The following COG5 variants were observed in gnomAD, a reference collection of about 807,000 sequenced individuals.
COG5 encodes component of oligomeric golgi complex 5.
Under a neutral mutation model 110.4 loss-of-function variants are expected in COG5, and 86 were observed. The ratio of observed to expected loss-of-function variants is 0.78; its 90% CI spans 0.65 to 0.93. COG5 has a LOEUF of 0.93. COG5 is among the 40% of genes least tolerant of loss of function. COG5 has a pLI of 0.00. For missense variants in COG5, 1,077 were observed against 987.0 expected (o/e 1.09, Z -1.22); for synonymous variants, 360 against 334.6 (o/e 1.08, Z -0.83).
At chr7:107,497,849 C>T (rs1002758345) in intron 6 of COG5, among the ~76,000 whole-genome samples, 10 of 151,920 alleles carry the variant, frequency 6.6e-5, no homozygotes. Flanking sequence ...CTCTGAGAAA[C>T]AAATAATATA....
chr7:107,274,940 A>T (rs1804577640), intron 14 of COG5, among the ~76,000 whole-genome samples: 1 of 150,774 alleles, frequency 6.6e-6, no homozygotes. Flanking sequence ...CTGAGAAGCA[A>T]GTCAGAAAGC....
intron 6 of COG5, among the ~76,000 whole-genome samples, chr7:107,507,496 A>T (rs1584909161): frequency 7.0e-6 from 1 of 143,806 alleles, no homozygotes. Context: ...TTTAGTAGAC[A>T]CAGGGTTTCA....
chr7:107,493,963 T>C (rs945384271), intron 6 of COG5, among the ~76,000 whole-genome samples: 4 of 152,150 alleles, frequency 2.6e-5, no homozygotes, highest in Non-Finnish European at 5.9e-5. Context: ...ATTTGAGTAT[T>C]AAAAATTTCC....
At chr7:107,470,583 A>G (rs911464947) in intron 6 of COG5, 21 of 152,122 alleles carry the variant, frequency 1.4e-4, no homozygotes, top group African/African-American at 4.6e-4. Context: ...TTTAAGATCT[A>G]TTTCTTTTAA....
chr7:107,241,563 C>T (rs1359721837), intron 17 of COG5, among the ~76,000 whole-genome samples: 1 of 151,758 alleles, frequency 6.6e-6, no homozygotes, highest in Non-Finnish European at 1.5e-5. Flanking sequence ...CGCCTTCTCC[C>T]GCCTCAGCCT....
intron 16 of COG5, among the ~76,000 whole-genome samples, chr7:107,251,374 T>A (rs546123395): frequency 4.6e-5 from 7 of 152,154 alleles, no homozygotes; most frequent in Non-Finnish European, 5.9e-5. Context: ...ATGATAAACT[T>A]TAATTTAAGC....
chr7:107,353,965 G>C (rs1812399745), intron 10 of COG5, among the ~76,000 whole-genome samples: 1 of 152,044 alleles, frequency 6.6e-6, no homozygotes, highest in African/African-American at 2.4e-5. Context: ...AAAAACCAAG[G>C]CATATTTGGA....
At chr7:107,214,821 C>G (rs1799405947) in intron 19 of COG5, among the ~76,000 whole-genome samples, 2 of 151,388 alleles carry the variant, frequency 1.3e-5, no homozygotes, top group East Asian at 1.9e-4. Flanking sequence ...ACTTAGGAGG[C>G]TGAATCATGA....
chr7:107,361,903 A>C, intron 10 of COG5, 130 bp downstream of exon 10: 1 of 672,128 alleles, frequency 1.5e-6, no homozygotes, highest in Non-Finnish European at 2.7e-6. Context: ...TATAGTTGTC[A>C]AGAAATACAC....
At chr7:107,277,514 A>C (rs1026730819) in intron 14 of COG5, among the ~76,000 whole-genome samples, 1 of 152,202 alleles carries the variant, frequency 6.6e-6, no homozygotes, top group Non-Finnish European at 1.5e-5. Flanking sequence ...CTGGATTTGA[A>C]TGCTAGTGCC....
intron 11 of COG5, among the ~76,000 whole-genome samples, chr7:107,303,949 T>A (rs185315009): frequency 1.3e-5 from 2 of 152,308 alleles, no homozygotes; most frequent in African/African-American, 2.4e-5. Context: ...TTGTTTTTTT[T>A]AAATTAATCA....
At chr7:107,284,456 T>C (rs548690902) in intron 12 of COG5, among the ~76,000 whole-genome samples, 56 of 152,242 alleles carry the variant, frequency 3.7e-4, no homozygotes, top group Admixed American at 2.6e-4. Flanking sequence ...TTTCCATCCA[T>C]AGCTGCCTCC....
At chr7:107,400,813 A>C (rs1791369084) in intron 7 of COG5, among the ~76,000 whole-genome samples, 1 of 152,198 alleles carries the variant, frequency 6.6e-6, no homozygotes, top group African/African-American at 2.4e-5. Context: ...TTGTCAAAGA[A>C]TATGAAAATA....
chr7:107,445,874 T>C (rs936468331), intron 6 of COG5, among the ~76,000 whole-genome samples: 3 of 152,158 alleles, frequency 2.0e-5, no homozygotes, highest in African/African-American at 4.8e-5. Context: ...GAGACACTTA[T>C]ACCTACGGAC....
At chr7:107,254,511 G>GTAA (rs1802743131) in intron 16 of COG5, among the ~76,000 whole-genome samples, 2 of 152,070 alleles carry the variant, frequency 1.3e-5, no homozygotes, top group Non-Finnish European at 2.9e-5. Flanking sequence ...GGCCACTGCA[G>GTAA]GAGGGCCTTG....
At chr7:107,521,601 G>A (rs943163162) in intron 6 of COG5, among the ~76,000 whole-genome samples, 6 of 151,428 alleles carry the variant, frequency 4.0e-5, no homozygotes, top group African/African-American at 1.5e-4. Context: ...ACCACCTCAC[G>A]CCAATGGCAA....
intron 5 of COG5, among the ~76,000 whole-genome samples, chr7:107,529,395 G>A (rs937859441): frequency 7.2e-5 from 11 of 152,170 alleles, no homozygotes; most frequent in Non-Finnish European, 1.0e-4. Flanking sequence ...GATGGTCCAC[G>A]CCTGGTGCAT....
At chr7:107,537,228 A>T (rs1324217973) in intron 5 of COG5, among the ~76,000 whole-genome samples, 1 of 151,844 alleles carries the variant, frequency 6.6e-6, no homozygotes, top group East Asian at 1.9e-4. Flanking sequence ...TACCCAAAGG[A>T]TTATAAATCA....
rs1802233790 is a variant in COG5, at chr7:107,248,547, AAAC to A, written c.1750-51_1750-49del. On this transcript the variant is annotated intron_variant, in intron 16 of 21. Coordinates refer to ENST00000297135, the MANE Select transcript of COG5 (RefSeq NM_006348.5). ...AAAAAGAAGAGGCAAGATTAAAGAA[AAAC>A]AACCCAAAGAAATTTGAGATGTGAG... 3 of 1,287,184 alleles carry A rather than the reference AAAC, an allele frequency of 2.3e-6. No individual in the cohort carries two copies. In the East Asian group the frequency reaches 6.9e-5, roughly 30 times the overall value. 79.7% of individuals were successfully genotyped at this position (1,287,184 alleles called of 1,614,324 possible).
Sources: allele counts gnomAD v4.1 joint callset (sites outside exome capture counted in the v4.1 genomes callset), GRCh38; gene constraint gnomAD v4.1.1; transcripts MANE v1.5; gene names NCBI Gene and HGNC (gene_info 2026-07-23, HGNC 2026-07-21).